The following SLC4A10 variants were observed in gnomAD, a reference collection of about 807,000 sequenced individuals.
SLC4A10 encodes the protein solute carrier family 4 member 10, also known as sodium-driven chloride bicarbonate exchanger.
In SLC4A10, 42 loss-of-function variants were observed where a neutral mutation model predicts 137.7. That is an observed-to-expected ratio of 0.30 (90% confidence interval 0.24 to 0.39). The LOEUF (loss-of-function observed/expected upper bound fraction) is 0.39, where lower values mean the gene tolerates loss of function less well. Among genes scored for constraint, SLC4A10 ranks in the 10% least tolerant of loss-of-function variants. SLC4A10 has a pLI of 1.00. For missense variants in SLC4A10, 925 were observed against 1,355.0 expected, an observed-to-expected ratio of 0.68 and a Z score of 4.98; for synonymous variants, 474 against 464.1, an observed-to-expected ratio of 1.02 and a Z score of -0.27.
intron 23 of SLC4A10, among the ~76,000 whole-genome samples, chr2:161,973,783 T>G (rs1389011475): frequency 6.6e-6 from 1 of 152,156 alleles, no homozygotes; most frequent in Non-Finnish European, 1.5e-5. Flanking sequence ...AGTCAGAACT[T>G]CTGGGGGATA....
intron 1 of SLC4A10, among the ~76,000 whole-genome samples, chr2:161,690,762 G>C (rs934166163): frequency 5.9e-5 from 9 of 152,040 alleles, no homozygotes; most frequent in African/African-American, 2.2e-4. Context: ...ATATAGGGAG[G>C]GGAACAACAC....
intron 1 of SLC4A10, among the ~76,000 whole-genome samples, chr2:161,691,127 A>G (rs1200108255): frequency 6.6e-6 from 1 of 152,152 alleles, no homozygotes; most frequent in Non-Finnish European, 1.5e-5. Context: ...AGTGAGATAT[A>G]AGTATAAACT....
At chr2:161,758,489 G>C (rs2049907947) in intron 1 of SLC4A10, among the ~76,000 whole-genome samples, 1 of 151,736 alleles carries the variant, frequency 6.6e-6, no homozygotes, top group African/African-American at 2.4e-5. Context: ...GCTTTGATTT[G>C]TTGGTTTTAC....
chr2:161,734,036 T>C (rs1393918952), intron 1 of SLC4A10, among the ~76,000 whole-genome samples: 1 of 152,230 alleles, frequency 6.6e-6, no homozygotes, highest in Non-Finnish European at 1.5e-5. Flanking sequence ...ACTAGCTTGC[T>C]TTTGATTTTA....
At chr2:161,650,671 T>C (rs1219363542) in intron 1 of SLC4A10, among the ~76,000 whole-genome samples, 7 of 152,180 alleles carry the variant, frequency 4.6e-5, no homozygotes, top group Admixed American at 4.6e-4. Flanking sequence ...CGGAGCAAAG[T>C]TGAGGCTGAG....
chr2:161,773,644 C>G (rs1574896469), intron 2 of SLC4A10, among the ~76,000 whole-genome samples: 1 of 151,594 alleles, frequency 6.6e-6, no homozygotes, highest in East Asian at 1.9e-4. Flanking sequence ...GTAGAAATGC[C>G]AGATGTTTAA....
intron 1 of SLC4A10, among the ~76,000 whole-genome samples, chr2:161,766,932 G>A (rs1254853952): frequency 6.6e-6 from 1 of 150,428 alleles, no homozygotes; most frequent in African/African-American, 2.4e-5. Context: ...AAGACCACAG[G>A]CTAAAAAACA....
chr2:161,946,369 T>A (rs1448430523), intron 16 of SLC4A10, among the ~76,000 whole-genome samples: 2 of 152,076 alleles, frequency 1.3e-5, no homozygotes, highest in African/African-American at 4.8e-5. Flanking sequence ...ACAGTGTAGC[T>A]ATTTGTAATT....
intron 1 of SLC4A10, among the ~76,000 whole-genome samples, chr2:161,665,986 G>A (rs1415610915): frequency 6.7e-6 from 1 of 148,658 alleles, no homozygotes; most frequent in Non-Finnish European, 1.5e-5. Flanking sequence ...TCTTTGAAAA[G>A]CTTTCATTTA....
intron 11 of SLC4A10, among the ~76,000 whole-genome samples, chr2:161,896,036 T>C (rs1044566672): frequency 3.9e-5 from 6 of 152,018 alleles, no homozygotes; most frequent in Non-Finnish European, 7.4e-5. Context: ...CTAGGGTTTT[T>C]ATGGTTTTAG....
intron 1 of SLC4A10, among the ~76,000 whole-genome samples, chr2:161,739,288 C>G (rs1559142394): frequency 6.6e-6 from 1 of 152,170 alleles, no homozygotes; most frequent in Admixed American, 6.5e-5. Context: ...TAATCCCACT[C>G]CTGTTGAGTG....
chr2:161,669,746 A>G (rs868565065), intron 1 of SLC4A10, among the ~76,000 whole-genome samples: 1 of 151,994 alleles, frequency 6.6e-6, no homozygotes, highest in African/African-American at 2.4e-5. Context: ...TGTTTTAAAG[A>G]TGAGGCTTGT....
At chr2:161,746,176 A>G (rs963095961) in intron 1 of SLC4A10, among the ~76,000 whole-genome samples, 5 of 151,966 alleles carry the variant, frequency 3.3e-5, no homozygotes, top group African/African-American at 1.2e-4. Flanking sequence ...TCAGTGCAGC[A>G]TGTTCCCTTC....
At chr2:161,896,582 A>G (rs893698184) in intron 11 of SLC4A10, among the ~76,000 whole-genome samples, 1 of 152,090 alleles carries the variant, frequency 6.6e-6, no homozygotes, top group Admixed American at 6.6e-5. Context: ...CTTACAAGGG[A>G]CGTGAAGGAC....
At chr2:161,717,177 T>C (rs971995318) in intron 1 of SLC4A10, among the ~76,000 whole-genome samples, 6 of 152,238 alleles carry the variant, frequency 3.9e-5, no homozygotes, top group Admixed American at 1.3e-4. Context: ...AAGTTGCTTA[T>C]CTGCTTAAGA....
intron 1 of SLC4A10, among the ~76,000 whole-genome samples, chr2:161,707,958 T>C (rs1469915280): frequency 6.6e-6 from 1 of 151,348 alleles, no homozygotes; most frequent in Non-Finnish European, 1.5e-5. Context: ...TAAGTCGTGA[T>C]ACCCATAGTT....
chr2:161,868,071 A>G (rs1383341337), intron 6 of SLC4A10, among the ~76,000 whole-genome samples: 1 of 151,962 alleles, frequency 6.6e-6, no homozygotes, highest in East Asian at 1.9e-4. Flanking sequence ...CATTTATGCA[A>G]TATATTCTAT....
At chr2:161,825,650 C>T (rs1381280826) in intron 3 of SLC4A10, among the ~76,000 whole-genome samples, 1 of 152,184 alleles carries the variant, frequency 6.6e-6, no homozygotes, top group Admixed American at 6.5e-5. Context: ...GACACACACA[C>T]ACTCAGATTG....
intron 1 of SLC4A10, among the ~76,000 whole-genome samples, chr2:161,675,510 A>T (rs949066477): frequency 8.5e-5 from 13 of 152,206 alleles, no homozygotes; most frequent in Non-Finnish European, 1.5e-4. Flanking sequence ...ACAGGATTTT[A>T]AAAAATAAGA....
Sources: allele counts gnomAD v4.1 joint callset (sites outside exome capture counted in the v4.1 genomes callset), GRCh38; gene constraint gnomAD v4.1.1; transcripts MANE v1.5; gene names NCBI Gene and HGNC (gene_info 2026-07-23, HGNC 2026-07-21).